The following TMEM255A variants were observed in gnomAD, a reference collection of about 807,000 sequenced individuals.
The protein encoded by TMEM255A is family with sequence similarity 70, member A.
Under a neutral mutation model 23.5 loss-of-function variants are expected in TMEM255A, and 14 were observed. The ratio of observed to expected loss-of-function variants is 0.60; its 90% confidence interval spans 0.39 to 0.93. The LOEUF is 0.93. Among genes scored for constraint, TMEM255A ranks in the 40% least tolerant of loss-of-function variants. The pLI is 0.00. For synonymous variants in TMEM255A, 104 were observed against 100.3 expected, an observed-to-expected ratio of 1.04 and a Z score of -0.22; for missense variants, 233 against 261.7, an observed-to-expected ratio of 0.89 and a Z score of 0.76.
intron 8 of TMEM255A, among the ~76,000 whole-genome samples, chrX:120,265,156 G>A (rs1056245877): frequency 3.6e-5 from 4 of 112,158 alleles, no homozygotes; most frequent in South Asian, 7.4e-4. Flanking sequence ...GATTACAGGC[G>A]TGAGCCACCG....
chrX:120,258,114 G>C (rs782684311), downstream of TMEM255A: 1 of 122,996 alleles, frequency 8.1e-6, no homozygotes, highest in Non-Finnish European at 1.9e-5. Flanking sequence ...AAATAATGCC[G>C]CATTTTTCCC....
At chrX:120,266,334 C>T (rs2057717427) in intron 8 of TMEM255A, among the ~76,000 whole-genome samples, 1 of 109,732 alleles carries the variant, frequency 9.1e-6, no homozygotes, top group African/African-American at 3.3e-5. Context: ...CCCCTGACCC[C>T]CCACCCCCAA....
chrX:120,295,855 T>C (rs1215940830), intron 2 of TMEM255A, among the ~76,000 whole-genome samples: 3 of 112,296 alleles, frequency 2.7e-5, no homozygotes, highest in African/African-American at 9.7e-5. Flanking sequence ...AAGTACTCAG[T>C]AAATATTACT....
intron 1 of TMEM255A, among the ~76,000 whole-genome samples, chrX:120,308,071 C>T (rs782449184): frequency 1.1e-4 from 12 of 112,412 alleles, no homozygotes; most frequent in Admixed American, 5.6e-4. Flanking sequence ...TCCTTTGAAA[C>T]ATGCTCAAAA....
At chrX:120,295,933 T>A (rs1157203066) in intron 2 of TMEM255A, among the ~76,000 whole-genome samples, 1 of 112,106 alleles carries the variant, frequency 8.9e-6, no homozygotes, top group Non-Finnish European at 1.9e-5. Flanking sequence ...TGACTTGAGC[T>A]GGAAAATCTT....
At position 120,271,374 on chromosome X, in the gene TMEM255A, G is replaced by C. The variant is rs150485159; in HGVS notation, c.676-2987C>G. Among the ~76,000 whole-genome samples the C allele has an allele frequency of 3.6e-4, 40 of 111,561 alleles. 1 individual carries two copies. The highest frequency in any genetic ancestry group is 1.3e-3 in the African/African-American group (39 of 30,689). On this transcript the variant is annotated intron_variant, in intron 7 of 8. Transcript: ENST00000371369. ...CAAGTCACTTGACCCCTCTTGGCCT[G>C]TTTCCTCACCTGTTAAACAGAGACA...
At chrX:120,296,783 TC>T (rs1556024286) in intron 2 of TMEM255A, among the ~76,000 whole-genome samples, 3 of 11,563 alleles carry the variant, frequency 2.6e-4, no homozygotes, top group African/African-American at 7.7e-4. Flanking sequence ...ATATTATATA[TC>T]ATATATAATA....
rs1556016497 is a variant in TMEM255A, at chrX:120,260,903, T to C, written c.945A>G (p.Pro315=). The change falls in exon 9 of 9, where the codon CCA becomes CCG. Residue 315 remains proline, a synonymous_variant. Transcript: ENST00000371369. ...TGTAAGGTGGTGGCTTTTCAAAAGG[T>C]GGATAGTAGGGTGGAGAGTAACGGG... The part of the protein sequence containing the change: ...APPRYSPPYY[P]PFEKPPPYSP The C allele has an allele frequency of 8.3e-7, 1 of 1,201,804 alleles. No individual in the cohort carries two copies. Among genetic ancestry groups the C allele is most frequent in the Non-Finnish European group, 1.1e-6 (1 of 892,109 alleles).
intron 7 of TMEM255A, among the ~76,000 whole-genome samples, chrX:120,274,549 T>G (rs2057783278): frequency 9.0e-6 from 1 of 111,462 alleles, no homozygotes; most frequent in South Asian, 3.8e-4. Context: ...CAGAAATTTC[T>G]TGAAAGTGTC....
At position 120,294,021 on chromosome X, in the gene TMEM255A, C is replaced by A; in HGVS notation, c.232G>T (p.Gly78Ter). The change falls in exon 3 of 9, where the codon GGA becomes TGA. Residue 78 changes from glycine (G) to a stop codon, truncating the protein, a stop_gained. Transcript: ENST00000371369. LOFTEE classifies it high-confidence loss of function. The stretch of plus-strand genomic sequence containing the variant: ...CTTTTGTTCTCAATAAGGTTTGATC[C>A]AATGATTCCAAGGAACGATCCAAAG... Reference protein sequence around the residue: ...LGFGSFLGIIGSNLIENKRQM... With the variant: ...LGFGSFLGII 8.4e-7 allele frequency: 1 copy of A among 1,193,582 alleles called. No homozygotes were observed. The highest frequency in any genetic ancestry group is 1.8e-5 in the South Asian group (1 of 56,588).
At chrX:120,303,443 A>C (rs2058045783) in intron 2 of TMEM255A, among the ~76,000 whole-genome samples, 1 of 111,170 alleles carries the variant, frequency 9.0e-6, no homozygotes, top group Admixed American at 9.7e-5. Context: ...GTCTCAACAA[A>C]ATGGATAAGA....
At chrX:120,299,515 T>G (rs2058020040) in intron 2 of TMEM255A, among the ~76,000 whole-genome samples, 1 of 110,474 alleles carries the variant, frequency 9.1e-6, no homozygotes, top group East Asian at 2.8e-4. Context: ...GGGTCTCACT[T>G]TGTTGCCCAG....
At chrX:120,292,943 A>T (rs2057926700) in intron 3 of TMEM255A, among the ~76,000 whole-genome samples, 1 of 112,258 alleles carries the variant, frequency 8.9e-6, no homozygotes, top group African/African-American at 3.2e-5. Flanking sequence ...CTATGCTATG[A>T]TCAGCTCTAC....
intron 2 of TMEM255A, among the ~76,000 whole-genome samples, chrX:120,297,751 C>T (rs1029597692): frequency 9.0e-6 from 1 of 111,110 alleles, no homozygotes; most frequent in African/African-American, 3.3e-5. Flanking sequence ...TTTAGCCACA[C>T]CTCGCTGCAT....
At chrX:120,285,009 TA>T in intron 6 of TMEM255A, 117 bp downstream of exon 6, 1 of 658,467 alleles carries the variant, frequency 1.5e-6, no homozygotes, top group African/African-American at 2.1e-5. Flanking sequence ...CAAAATCTGT[TA>T]ACAGATCAAT....
chrX:120,256,368 G>T (rs1556015454), downstream of TMEM255A: 1 of 122,298 alleles, frequency 8.2e-6, no homozygotes, highest in African/African-American at 3.3e-5. Context: ...CCATGGGTGA[G>T]ACTTTACATA....
intron 3 of TMEM255A, among the ~76,000 whole-genome samples, chrX:120,293,375 G>T (rs2057930342): frequency 8.8e-6 from 1 of 113,266 alleles, no homozygotes; most frequent in African/African-American, 3.2e-5. Flanking sequence ...AGACATAGAA[G>T]CTTCACCTTC....
intron 4 of TMEM255A, among the ~76,000 whole-genome samples, chrX:120,290,689 T>A (rs1165321932): frequency 1.8e-5 from 2 of 111,941 alleles, no homozygotes; most frequent in Non-Finnish European, 3.8e-5. Flanking sequence ...TCAGCTAAAA[T>A]CAGAAGGGAT....
intron 5 of TMEM255A, among the ~76,000 whole-genome samples, chrX:120,286,277 C>G (rs183797781): frequency 8.9e-6 from 1 of 111,931 alleles, no homozygotes; most frequent in Non-Finnish European, 1.9e-5. Context: ...AATGCAGTGG[C>G]CATTTTACAT....
Sources: allele counts gnomAD v4.1 joint callset (sites outside exome capture counted in the v4.1 genomes callset), GRCh38; gene constraint gnomAD v4.1.1; transcripts MANE v1.5; gene names NCBI Gene and HGNC (gene_info 2026-07-23, HGNC 2026-07-21).